Variants in NUP210 observed in about 807,000 individuals in gnomAD.
The protein encoded by NUP210 is nuclear pore membrane glycoprotein 210.
A neutral mutation model predicts 196.0 loss-of-function variants in NUP210; 151 were observed. The ratio of observed to expected loss-of-function variants is 0.77; its 90% CI spans 0.67 to 0.88. NUP210 has a LOEUF of 0.88. Ranked by LOEUF, NUP210 falls within the 40% of genes least tolerant of loss-of-function variation. NUP210 has a pLI of 0.00. For missense variants in NUP210, 2,314 were observed against 2,493.7 expected (o/e 0.93, Z 1.53); for synonymous variants, 1,070 against 1,052.7 (o/e 1.02, Z -0.32).
Position 13,320,204 on chromosome 3 carries a change from T to TCATG in NUP210, c.5167-229_5167-226dup, listed in dbSNP as rs375642635. ...GCAGGTAATGACACCTGGGCACTGC[T>TCATG]CATGGACGGCGTGTACTCTGCAGAG... is the stretch of plus-strand genomic sequence containing the variant. On this transcript the variant is annotated intron_variant, in intron 36 of 39. Coordinates refer to ENST00000254508, the MANE Select transcript of NUP210 (RefSeq NM_024923.4). Among the ~76,000 whole-genome samples the TCATG allele has an allele frequency of 1.9e-4, 29 of 152,322 alleles. 1 individual carries two copies. The East Asian group carries it at 5.4e-3, about 28-fold the overall frequency.
At chr3:13,353,775 G>T in intron 17 of NUP210, 115 bp from the exon 18 acceptor site, 1 of 1,239,946 alleles carries the variant, frequency 8.1e-7, no homozygotes, top group Non-Finnish European at 1.2e-6. Flanking sequence ...AACTGTGTGT[G>T]TTGAAACTAT....
chr3:13,353,211 T>C (rs1292518575), intron 18 of NUP210, among the ~76,000 whole-genome samples: 1 of 152,118 alleles, frequency 6.6e-6, no homozygotes, highest in Non-Finnish European at 1.5e-5. Flanking sequence ...TTAGGGACCA[T>C]GGGAATACAG....
rs532550730 is a variant in NUP210, at chr3:13,361,823, A to G, written c.1933-1332T>C. On this transcript the variant is annotated intron_variant, in intron 14 of 39. Coordinates refer to ENST00000254508, the MANE Select transcript of NUP210 (RefSeq NM_024923.4). Reference sequence around the variant, plus strand: ...CTGTCCTGGGACTTGGGCTCTCTCAACCTGGCTCCAGTCCCAGCTTCAGAC... The same window carrying G: ...CTGTCCTGGGACTTGGGCTCTCTCAGCCTGGCTCCAGTCCCAGCTTCAGAC... Among the ~76,000 whole-genome samples, 14 of 152,116 alleles carry G rather than the reference A, an allele frequency of 9.2e-5. No individual in the cohort carries two copies. In the South Asian group the frequency reaches 2.9e-3, roughly 32 times the overall value.
intron 13 of NUP210, among the ~76,000 whole-genome samples, chr3:13,368,367 G>A (rs1698612199): frequency 6.6e-6 from 1 of 152,164 alleles, no homozygotes; most frequent in Non-Finnish European, 1.5e-5. Context: ...ATGGGCCACC[G>A]TGCCCAGCCT....
chr3:13,340,160 G>T lies in NUP210; in HGVS notation c.3291+76C>A. The T allele has an allele frequency of 6.2e-7, 1 of 1,604,756 alleles. No homozygotes were observed. ...TCTTCTCCCAGTCACTGCACGCAGG[G>T]CCAGAGGCGGCGTGCCTGGAACCAG... On this transcript the variant is annotated intron_variant, in intron 24 of 39. Coordinates refer to ENST00000254508, the MANE Select transcript of NUP210 (RefSeq NM_024923.4). The surrounding 1 kb of genome is among the most constrained non-coding windows in gnomAD (Gnocchi z 4.0).
chr3:13,360,475 G>C lies in NUP210; in HGVS notation c.1949C>G (p.Ser650Cys). The C allele has an allele frequency of 6.2e-7, 1 of 1,610,876 alleles. No individual in the cohort carries two copies. Among genetic ancestry groups the C allele is most frequent in the African/African-American group, 1.3e-5 (1 of 75,034 alleles). ...YLPLKAVDPS[S>C]VALVTLGSSK... ...GGAGCCCAGGGTTACCAAGGCAACA[G>C]AGGAGGGATCCACAGCCTGGGGACA... The change falls in exon 15 of 40, where the codon TCT (serine) becomes TGT (cysteine). Residue 650 changes from serine to cysteine, a missense_variant. By Grantham distance (112) the Ser-to-Cys change is moderately radical. Transcript: ENST00000254508.
Position 13,321,606 on chromosome 3 carries a change from C to T in NUP210, c.5145G>A (p.Pro1715=), listed in dbSNP as rs748860972. 7.9e-5 allele frequency: 127 copies of T among 1,613,896 alleles called. No homozygotes were observed. Among genetic ancestry groups the T allele is most frequent in the Middle Eastern group, 1.6e-4 (1 of 6,084 alleles). The change falls in exon 36 of 40, where the codon CCG becomes CCA. Residue 1715 remains proline (P), a synonymous_variant. Coordinates refer to ENST00000254508, the MANE Select transcript of NUP210 (RefSeq NM_024923.4). The stretch of plus-strand genomic sequence containing the variant: ...TCACCTCCAAGTTCTCCAGAACCTC[C>T]GGGGCACCAAAGACCCTGATCTCGG... The part of the protein sequence containing the change: ...TSSEIRVFGA[P]EVLENLEVKS...
chr3:13,354,412 A>G, intron 16 of NUP210: 1 of 390,196 alleles, frequency 2.6e-6, no homozygotes, highest in East Asian at 5.4e-5. Flanking sequence ...TGCCACTGGC[A>G]TCTACTCGGG....
intron 36 of NUP210, 79 bp from the exon 37 acceptor site, chr3:13,320,058 C>A (rs1207708510): frequency 3.8e-5 from 50 of 1,317,926 alleles, no homozygotes; most frequent in Non-Finnish European, 5.0e-5. Flanking sequence ...GACCCCGAGG[C>A]GGGAGGGCTG....
intron 23 of NUP210, 72 bp downstream of exon 23, chr3:13,341,676 C>T (rs760378336): frequency 6.5e-5 from 100 of 1,534,390 alleles, no homozygotes; most frequent in Non-Finnish European, 8.5e-5. Flanking sequence ...GCTTCCTGGA[C>T]TGTACTATAA....
chr3:13,325,384 C>G (rs1016642116), intron 33 of NUP210, among the ~76,000 whole-genome samples: 2 of 152,242 alleles, frequency 1.3e-5, no homozygotes, highest in Non-Finnish European at 2.9e-5. Flanking sequence ...CCCACTGATT[C>G]ATTCTCAACT....
chr3:13,337,702 G>A (rs1448767482), intron 26 of NUP210, 135 bp downstream of exon 26: 1 of 756,122 alleles, frequency 1.3e-6, no homozygotes, highest in African/African-American at 1.8e-5. Flanking sequence ...TCCCTGGGTG[G>A]GGACAGGTGG....
At chr3:13,393,261 G>A (rs2124939129) in intron 3 of NUP210, among the ~76,000 whole-genome samples, 1 of 152,276 alleles carries the variant, frequency 6.6e-6, no homozygotes, top group East Asian at 1.9e-4. Context: ...ATGGAGGTGG[G>A]GGAGGCCCTG....
intron 39 of NUP210, among the ~76,000 whole-genome samples, chr3:13,318,319 G>A (rs967914390): frequency 6.6e-6 from 1 of 152,156 alleles, no homozygotes; most frequent in Non-Finnish European, 1.5e-5. Context: ...CCTGGGTGCC[G>A]CTTTGCAGGT....
In NUP210 at chr3:13,330,468, C is replaced by A; in HGVS notation, c.4102G>T (p.Ala1368Ser). The A allele has an allele frequency of 6.2e-7, 1 of 1,613,906 alleles. No homozygotes were observed. The highest frequency in any genetic ancestry group is 8.5e-7 in the Non-Finnish European group (1 of 1,179,878). The change falls in exon 30 of 40, where the codon GCT becomes TCT. Residue 1368 changes from alanine to serine, a missense_variant. Coordinates refer to ENST00000254508, the MANE Select transcript of NUP210 (RefSeq NM_024923.4). ...GGAGAATGCAACCCTACCTTTACAGCAACAATGATGGTTTGGTTGGCCCCA... is the reference window on the plus strand; with the variant it reads ...GGAGAATGCAACCCTACCTTTACAGAAACAATGATGGTTTGGTTGGCCCCA... The part of the protein sequence containing the change: ...PFGANQTIIV[A>S]VKVSPVSYLR...
rs766220368 is a variant in NUP210 at position 13,340,042 on chromosome 3, G to T, written c.3292-9C>A. On this transcript the variant is annotated splice_polypyrimidine_tract_variant and intron_variant, in intron 24 of 39. Transcript: ENST00000254508. This position sits in a 1 kb window ranked among gnomAD's most constrained non-coding sequence, Gnocchi z 4.0. ...CCGCCCTCGGAGGTGACCTGAGCGGGGAGGAAACAGCGGCGTGTCAGTGCC... is the reference window on the plus strand; with the variant it reads ...CCGCCCTCGGAGGTGACCTGAGCGGTGAGGAAACAGCGGCGTGTCAGTGCC... 1.9e-6 allele frequency: 3 copies of T among 1,612,340 alleles called. No homozygotes were observed. Among genetic ancestry groups the T allele is most frequent in the South Asian group, 1.1e-5 (1 of 91,028 alleles).
At chr3:13,335,839 CACA>C in intron 27 of NUP210, among the ~76,000 whole-genome samples, 1 of 152,360 alleles carries the variant, frequency 6.6e-6, no homozygotes, top group Middle Eastern at 3.4e-3. Flanking sequence ...GCCTGCATCG[CACA>C]ACATGCACAG....
At chr3:13,341,590 C>A (rs1422346748) in intron 23 of NUP210, among the ~76,000 whole-genome samples, 158 bp downstream of exon 23, 2 of 152,224 alleles carry the variant, frequency 1.3e-5, no homozygotes, top group African/African-American at 4.8e-5. Context: ...CTCCCAGATC[C>A]CTAGAGCTCG....
chr3:13,401,259 C>CAAAAAAAAAAAAAAAAAAAAAAAAAAA lies in NUP210; in HGVS notation c.168-1399_168-1398insTTTTTTTTTTTTTTTTTTTTTTTTTTT. Among the ~76,000 whole-genome samples, 2 of 43,846 alleles carry CAAAAAAAAAAAAAAAAAAAAAAAAAAA rather than the reference C, an allele frequency of 4.6e-5. 1 individual carries two copies. The highest frequency in any genetic ancestry group is 8.1e-5 in the Non-Finnish European group (2 of 24,782). 28.8% of individuals were successfully genotyped at this position (43,846 alleles called of 152,430 possible). ...TGGGCAACAGAGTGAGACTCTGGCT[C>CAAAAAAAAAAAAAAAAAAAAAAAAAAA]AAAAAAAAAAAAAAAAAAAAAGGCA... On this transcript the variant is annotated intron_variant, in intron 1 of 39. Transcript: ENST00000254508.
Sources: gnomAD v4.1 joint callset for allele counts (sites outside exome capture counted in the v4.1 genomes callset) on GRCh38, gnomAD v4.1.1 for gene constraint, Gnocchi (gnomAD v3.1) non-coding constraint, MANE v1.5 for transcripts, NCBI Gene and HGNC (gene_info 2026-07-23, HGNC 2026-07-21) for gene names.